CELF2: variants seen among roughly 807,000 people sequenced by gnomAD.
CELF2 encodes CUG triplet repeat RNA-binding protein 2.
Under a neutral mutation model 62.6 loss-of-function variants are expected in CELF2, and 8 were observed. The ratio of observed to expected loss-of-function variants is 0.13; its 90% CI spans 0.07 to 0.23. The LOEUF (loss-of-function observed/expected upper bound fraction) is 0.23, where lower values mean the gene tolerates loss of function less well. Among genes scored for constraint, CELF2 ranks in the 10% least tolerant of loss-of-function variants. The pLI is 1.00. For missense variants in CELF2, 333 were observed against 671.0 expected (o/e 0.50, Z 5.56); for synonymous variants, 258 against 250.0 (o/e 1.03, Z -0.30).
intron 11 of CELF2, 21 bp from the exon 12 acceptor site, chr10:11,325,815 G>T: frequency 6.4e-7 from 1 of 1,570,116 alleles, no homozygotes; most frequent in South Asian, 1.1e-5. Context: ...ACCTTACTCT[G>T]ACTTTTTTTT....
At chr10:10,745,408 G>T in the CELF2 span, among the ~76,000 whole-genome samples, 2 of 152,086 alleles carry the variant, frequency 1.3e-5, no homozygotes, top group Admixed American at 1.3e-4. Context: ...TCTCCTCCTA[G>T]ATTCATGTAA....
the CELF2 span, among the ~76,000 whole-genome samples, chr10:10,523,379 G>T: frequency 1.3e-5 from 2 of 152,194 alleles, no homozygotes; most frequent in African/African-American, 4.8e-5. Flanking sequence ...GGGATATTAT[G>T]CAGATAGATG....
At position 11,321,117 on chromosome 10, in the gene CELF2, C is replaced by G; in HGVS notation, c.1097-72C>G. ...GCTGTTGTACTGTGTTTAAATGATTCTCTAACTTCCTTTGGAAAGCACTAA... is the reference window on the plus strand; with the variant it reads ...GCTGTTGTACTGTGTTTAAATGATTGTCTAACTTCCTTTGGAAAGCACTAA... On this transcript the variant is annotated intron_variant, in intron 10 of 12. Transcript: ENST00000633077. This position sits in a 1 kb window ranked among gnomAD's most constrained non-coding sequence, Gnocchi z 6.2. 2.0e-6 allele frequency: 3 copies of G among 1,512,936 alleles called. No homozygotes were observed. The highest frequency in any genetic ancestry group is 1.8e-6 in the Non-Finnish European group (2 of 1,090,726). The allele number at this position is 1,512,936 out of a possible 1,614,324, so 93.7% of individuals were successfully genotyped here. A position where few individuals can be genotyped will look rare whatever the true frequency, so the allele number is the denominator to read the frequency against.
rs1421245309 is a variant in CELF2 at position 11,296,474 on chromosome 10, AC to A, written c.976+7923del. ...ATACAAACATGTTATCACCACTAGC[AC>A]TGGTGAAAAGCATGTGTTGCTTAAT... On this transcript the variant is annotated intron_variant, in intron 9 of 12. Coordinates refer to ENST00000633077, the MANE Select transcript of CELF2 (RefSeq NM_001326342.2). The surrounding 1 kb of genome is among the most constrained non-coding windows in gnomAD (Gnocchi z 5.0). Among the ~76,000 whole-genome samples the A allele has an allele frequency of 6.6e-6, 1 of 152,172 alleles. No homozygotes were observed. Among genetic ancestry groups the A allele is most frequent in the African/African-American group, 2.4e-5 (1 of 41,426 alleles).
upstream of CELF2, among the ~76,000 whole-genome samples, chr10:10,797,127 TA>T (rs1302497433): frequency 6.6e-6 from 1 of 152,082 alleles, no homozygotes; most frequent in Non-Finnish European, 1.5e-5. Flanking sequence ...TTCCTGACAG[TA>T]AAAGTAGCCT....
In CELF2 at chr10:11,270,759, C is replaced by T; in HGVS notation, c.712C>T (p.Gln238Ter). The T allele has an allele frequency of 6.4e-7, 1 of 1,559,562 alleles. No homozygotes were observed. Among genetic ancestry groups the T allele is most frequent in the Non-Finnish European group, 8.7e-7 (1 of 1,148,866 alleles). Residue 238 changes from glutamine to a stop codon, truncating the protein, a stop_gained, in exon 7 of 13, where the codon CAG (glutamine) becomes TAG (stop). Coordinates refer to ENST00000633077, the MANE Select transcript of CELF2 (RefSeq NM_001326342.2). LOFTEE classifies it high-confidence loss of function. This position sits in a 1 kb window ranked among gnomAD's most constrained non-coding sequence, Gnocchi z 5.8. ...GCAGCAGCTCGCTCAGCAGATGCAG[C>T]AGCTCAACACTGCCACCTGGGGGAA... is the stretch of plus-strand genomic sequence containing the variant. ...LQQQLAQQMQ[Q>*]LNTATWGNLT...
chr10:10,826,104 A>C (rs1240585896), intron 1 of CELF2, among the ~76,000 whole-genome samples: 1 of 152,200 alleles, frequency 6.6e-6, no homozygotes, highest in Middle Eastern at 3.2e-3. Flanking sequence ...GTTGATTTCT[A>C]ATATATTATT....
chr10:11,314,836 G>A lies in CELF2; in HGVS notation c.1096+578G>A, dbSNP rs1467267619. 5.7e-6 allele frequency: 1 copy of A among 175,650 alleles called. No individual in the cohort carries two copies. The allele number at this position is 175,650 out of a possible 1,614,324, so 10.9% of individuals were successfully genotyped here. ...AAAGAAGGAAATGAAACTGAGGGGA[G>A]AGGAGCCACTGCTGGCAGTGACATG... On this transcript the variant is annotated intron_variant, in intron 10 of 12. Transcript: ENST00000633077. This position sits in a 1 kb window ranked among gnomAD's most constrained non-coding sequence, Gnocchi z 5.3.
chr10:10,473,824 T>C, the CELF2 span, among the ~76,000 whole-genome samples: 4 of 152,226 alleles, frequency 2.6e-5, no homozygotes, highest in Admixed American at 6.5e-5. Context: ...GAGAATCATG[T>C]CATTTTCCAC....
chr10:10,511,367 A>T, the CELF2 span, among the ~76,000 whole-genome samples: 16 of 152,126 alleles, frequency 1.1e-4, no homozygotes, highest in Non-Finnish European at 1.8e-4. Context: ...AGCTGAGATC[A>T]TGCCACTGCA....
rs1163521634 is a variant in CELF2 at position 11,186,366 on chromosome 10, T to C, written c.271+20684T>C. 2.6e-5 allele frequency among the ~76,000 whole-genome samples: 4 copies of C among 151,944 alleles called. No homozygotes were observed. The East Asian group carries it at 7.7e-4, about 29-fold the overall frequency. On this transcript the variant is annotated intron_variant, in intron 2 of 12. Transcript: ENST00000633077. ...TTATTGCTTCCATTCTTTTGCTTAT[T>C]TGGGGTCTAACTTGCTTTTATTTTT... is the stretch of plus-strand genomic sequence containing the variant.
At position 11,332,581 on chromosome 10, in the gene CELF2, C is replaced by G. The variant is rs914082365; in HGVS notation, c.*3528C>G. The G allele has an allele frequency of 6.6e-6, 1 of 150,914 alleles. No homozygotes were observed. The highest frequency in any genetic ancestry group is 2.5e-5 in the African/African-American group (1 of 39,800). 9.3% of individuals were successfully genotyped at this position (150,914 alleles called of 1,614,324 possible). A position where few individuals can be genotyped will look rare whatever the true frequency, so the allele number is the denominator to read the frequency against. The stretch of plus-strand genomic sequence containing the variant: ...AGGTACCTTGCTGTCTTGACAAATC[C>G]TAATGTCACGCCTACAGCCCCAACA... On this transcript the variant is annotated 3_prime_UTR_variant, in exon 13 of 13. Coordinates refer to ENST00000633077, the MANE Select transcript of CELF2 (RefSeq NM_001326342.2).
the CELF2 span, among the ~76,000 whole-genome samples, chr10:10,527,731 C>A: frequency 6.6e-6 from 1 of 152,208 alleles, no homozygotes; most frequent in South Asian, 2.1e-4. Context: ...GTTCTTTATG[C>A]GGAAGAAAAT....
intron 1 of CELF2, among the ~76,000 whole-genome samples, chr10:11,060,928 C>A (rs1357237375): frequency 6.6e-6 from 1 of 152,226 alleles, no homozygotes; most frequent in Admixed American, 6.5e-5. Flanking sequence ...CTCTGTCTTT[C>A]TCCCTCCACT....
At chr10:10,601,725 C>CT in the CELF2 span, among the ~76,000 whole-genome samples, 259 of 140,078 alleles carry the variant, frequency 1.8e-3, no homozygotes, top group East Asian at 0.015. Context: ...TGGGTTCATT[C>CT]TTTTTTTTTT....
At chr10:10,697,433 G>A in the CELF2 span, among the ~76,000 whole-genome samples, 1 of 152,198 alleles carries the variant, frequency 6.6e-6, no homozygotes, top group African/African-American at 2.4e-5. Context: ...TTGGAAGCTG[G>A]ACGGAGACCA....
intron 1 of CELF2, among the ~76,000 whole-genome samples, chr10:11,068,571 T>G (rs986850910): frequency 6.6e-6 from 1 of 152,094 alleles, no homozygotes; most frequent in African/African-American, 2.4e-5. Context: ...ATTTCTGTTT[T>G]TTTTTTTGAG....
At chr10:10,632,911 A>T in the CELF2 span, among the ~76,000 whole-genome samples, 1 of 152,196 alleles carries the variant, frequency 6.6e-6, no homozygotes, top group South Asian at 2.1e-4. Flanking sequence ...ACTGTTCTGA[A>T]TCTGGGCTTT....
chr10:10,723,000 G>C, the CELF2 span, among the ~76,000 whole-genome samples: 2 of 152,204 alleles, frequency 1.3e-5, no homozygotes, highest in African/African-American at 4.8e-5. Flanking sequence ...TTAAAAGGAA[G>C]TGTGAACATC....
Sources: allele counts gnomAD v4.1 joint callset (sites outside exome capture counted in the v4.1 genomes callset), GRCh38; gene constraint gnomAD v4.1.1; non-coding constraint Gnocchi (gnomAD v3.1); transcripts MANE v1.5; gene names NCBI Gene and HGNC (gene_info 2026-07-23, HGNC 2026-07-21).